The following ZFR2 variants were observed in gnomAD, a reference collection of about 807,000 sequenced individuals.
ZFR2 encodes the protein zinc finger RNA-binding protein 2.
ZFR2 carries 104 observed loss-of-function variants against 105.7 expected under a neutral mutation model. That is an observed-to-expected ratio of 0.98 (90% CI 0.84 to 1.16). The LOEUF is 1.16. Among genes scored for constraint, ZFR2 ranks in the 50% most tolerant of loss-of-function variants. The probability of loss-of-function intolerance (pLI) is 0.00; values close to 1 mark genes in which losing one functional copy is unlikely to be tolerated. For synonymous variants in ZFR2, 634 were observed against 597.7 expected (o/e 1.06, Z -0.89); for missense variants, 1,425 against 1,355.5 (o/e 1.05, Z -0.80).
intron 1 of ZFR2, among the ~76,000 whole-genome samples, chr19:3,856,681 T>C (rs750375767): frequency 6.6e-6 from 1 of 152,192 alleles, no homozygotes; most frequent in African/African-American, 2.4e-5. Context: ...ACTCACAGGC[T>C]ACAGGGCCCA....
intron 10 of ZFR2, 120 bp from the exon 11 acceptor site, chr19:3,820,410 G>A: frequency 1.1e-6 from 1 of 938,362 alleles, no homozygotes; most frequent in Non-Finnish European, 1.6e-6. Flanking sequence ...AGCTCTTGCT[G>A]GGGCTCCACT....
Position 3,814,133 on chromosome 19 carries a change from C to T in ZFR2, c.2104-175G>A, listed in dbSNP as rs181944943. Reference sequence around the variant, plus strand: ...AACCTCCAAGTGACCAAGACACAGCCGCAGCCCTCCAGGAGTGCACACATG... The same window carrying T: ...AACCTCCAAGTGACCAAGACACAGCTGCAGCCCTCCAGGAGTGCACACATG... On this transcript the variant is annotated intron_variant, in intron 13 of 18. Transcript: ENST00000262961. Among the ~76,000 whole-genome samples, 31 of 152,218 alleles carry T rather than the reference C, an allele frequency of 2.0e-4. No homozygotes were observed. The East Asian group carries it at 6.0e-3, about 29-fold the overall frequency.
intron 1 of ZFR2, among the ~76,000 whole-genome samples, chr19:3,851,012 C>T (rs2038232630): frequency 6.6e-6 from 1 of 151,856 alleles, no homozygotes; most frequent in Admixed American, 6.6e-5. Context: ...AGAGAGCCCT[C>T]ACCAGAAACC....
intron 1 of ZFR2, among the ~76,000 whole-genome samples, chr19:3,837,887 A>G (rs1208383909): frequency 6.6e-6 from 1 of 151,954 alleles, no homozygotes; most frequent in Non-Finnish European, 1.5e-5. Context: ...CACCATGACT[A>G]CAGACACCTG....
In ZFR2 at chr19:3,816,753, C is replaced by T. The variant is rs140470221; in HGVS notation, c.2024G>A (p.Arg675His). ...CTTCTCGGAGCAGAGCAGAGCGAGG[C>T]GCACGTTCCTGTCCCCACGCAGGAG... ...GLLLRGDRNV[R>H]LALLCSEKPT... The change falls in exon 13 of 19, where the codon CGC becomes CAC. Residue 675 changes from arginine to histidine, a missense_variant. Physicochemically the swap from Arg to His is conservative, Grantham distance 29. Transcript: ENST00000262961. 313 of 1,612,306 alleles carry T rather than the reference C, an allele frequency of 1.9e-4. No homozygotes were observed. In the African/African-American group the frequency reaches 3.1e-3, roughly 16 times the overall value.
At chr19:3,855,230 C>G (rs1019610703) in intron 1 of ZFR2, among the ~76,000 whole-genome samples, 1 of 152,012 alleles carries the variant, frequency 6.6e-6, no homozygotes, top group Admixed American at 6.6e-5. Flanking sequence ...TTTTTTACTT[C>G]TACTTTAAAT....
chr19:3,810,905 C>T, intron 15 of ZFR2, 60 bp from the exon 16 acceptor site: 1 of 1,528,918 alleles, frequency 6.5e-7, no homozygotes, highest in Non-Finnish European at 8.9e-7. Context: ...CGGCATGGCG[C>T]CGGGCTCTGT....
In ZFR2 at chr19:3,825,251, C is replaced by A; in HGVS notation, c.1192G>T (p.Ala398Ser). ...SRPALAKRPVASKALCEGPPE... is the reference protein window; with the variant it reads ...SRPALAKRPVSSKALCEGPPE... ...GTACCCTCGCATAAGGCCTTCGAGG[C>A]CACGGGTCTCTTGGCCAGCGCTGGC... Residue 398 changes from alanine to serine, a missense_variant, in exon 7 of 19, where the codon GCC becomes TCC. Ala to Ser is a moderately conservative substitution (Grantham distance 99). Transcript: ENST00000262961. 6.4e-7 allele frequency: 1 copy of A among 1,551,510 alleles called. No individual in the cohort carries two copies. The highest frequency in any genetic ancestry group is 8.6e-7 in the Non-Finnish European group (1 of 1,156,860).
rs569773632 is a variant in ZFR2, at chr19:3,817,876, C to A, written c.1932-1031G>T. Among the ~76,000 whole-genome samples the A allele has an allele frequency of 6.7e-4, 102 of 152,180 alleles. 1 individual carries two copies. Among genetic ancestry groups the A allele is most frequent in the African/African-American group, 2.1e-3 (87 of 41,518 alleles). ...TCCTATATGGAGCTCTGTGCTCCAGCAAAAGGAAGCCCTCAGGCCAAGTGG... is the reference window on the plus strand; with the variant it reads ...TCCTATATGGAGCTCTGTGCTCCAGAAAAAGGAAGCCCTCAGGCCAAGTGG... On this transcript the variant is annotated intron_variant, in intron 12 of 18. Transcript: ENST00000262961.
chr19:3,863,980 A>G (rs1288425734), intron 1 of ZFR2, among the ~76,000 whole-genome samples: 1 of 152,064 alleles, frequency 6.6e-6, no homozygotes, highest in Non-Finnish European at 1.5e-5. Flanking sequence ...AGAATCAATA[A>G]CCAGCAACGA....
chr19:3,820,380 A>G, intron 10 of ZFR2, 90 bp from the exon 11 acceptor site: 2 of 1,273,044 alleles, frequency 1.6e-6, no homozygotes, highest in East Asian at 2.6e-5. Flanking sequence ...TTATGCTCCC[A>G]GCAAGGAAGG....
In ZFR2 at chr19:3,823,339, T is replaced by C. The variant is rs1338325807; in HGVS notation, c.1278A>G (p.Leu426=). ...CTTGGGTAGGTGCTCCGGGACCCTC[T>C]AATTTAGGTTGGGCTGGTTTCCCCC... is the stretch of plus-strand genomic sequence containing the variant. ...PQWGKPAQPK[L]EGPGAPTQGG... Residue 426 remains leucine (L), a synonymous_variant, in exon 8 of 19, where the codon TTA becomes TTG. Coordinates refer to ENST00000262961, the MANE Select transcript of ZFR2 (RefSeq NM_015174.2). This position sits in a 1 kb window ranked among gnomAD's most constrained non-coding sequence, Gnocchi z 5.4. The C allele has an allele frequency of 6.2e-7, 1 of 1,613,928 alleles. No individual in the cohort carries two copies. The highest frequency in any genetic ancestry group is 8.5e-7 in the Non-Finnish European group (1 of 1,179,842).
rs551340640 is a variant in ZFR2, at chr19:3,834,637, C to T, written c.264+136G>A. On this transcript the variant is annotated intron_variant, in intron 2 of 18. Coordinates refer to ENST00000262961, the MANE Select transcript of ZFR2 (RefSeq NM_015174.2). This position sits in a 1 kb window ranked among gnomAD's most constrained non-coding sequence, Gnocchi z 5.3. ...TCTCCCCACCACGGGTACGCAATGCCAGCAGAAGGGTCCCGAAGGAAGGAT... is the reference window on the plus strand; with the variant it reads ...TCTCCCCACCACGGGTACGCAATGCTAGCAGAAGGGTCCCGAAGGAAGGAT... 2.1e-6 allele frequency: 2 copies of T among 966,280 alleles called. No homozygotes were observed. Among genetic ancestry groups the T allele is most frequent in the Non-Finnish European group, 3.1e-6 (2 of 640,352 alleles). 59.9% of individuals were successfully genotyped at this position (966,280 alleles called of 1,614,324 possible).
At chr19:3,845,237 C>A (rs947860349) in intron 1 of ZFR2, among the ~76,000 whole-genome samples, 1 of 152,168 alleles carries the variant, frequency 6.6e-6, no homozygotes, top group Non-Finnish European at 1.5e-5. Flanking sequence ...CAACTTAATT[C>A]TCTCTTCAAA....
chr19:3,831,624 C>T (rs201007415), intron 4 of ZFR2, 36 bp downstream of exon 4: 20 of 1,520,630 alleles, frequency 1.3e-5, no homozygotes, highest in Admixed American at 8.2e-5. Context: ...TGGGGACCGA[C>T]GGGCAGACCA....
At position 3,807,278 on chromosome 19, in the gene ZFR2, C is replaced by T. The variant is rs56083710; in HGVS notation, c.2546-9G>A. 21 of 1,548,966 alleles carry T rather than the reference C, an allele frequency of 1.4e-5. No individual in the cohort carries two copies. Among genetic ancestry groups the T allele is most frequent in the East Asian group, 4.9e-5 (2 of 41,108 alleles). The stretch of plus-strand genomic sequence containing the variant: ...CTGGAGCCCGGGCCCGTCTTTGTGA[C>T]GGGGAGTGGGAACAGCAAAGAAGGC... On this transcript the variant is annotated splice_polypyrimidine_tract_variant and intron_variant, in intron 17 of 18. Transcript: ENST00000262961.
rs142991929 is a variant in ZFR2 at position 3,840,880 on chromosome 19, T to C, written c.54-5897A>G. ...GAACAGAATGTTAAATTTTAAAATTTGTTTCATTTCAGTTAATTTAGATTT... is the reference window on the plus strand; with the variant it reads ...GAACAGAATGTTAAATTTTAAAATTCGTTTCATTTCAGTTAATTTAGATTT... On this transcript the variant is annotated intron_variant, in intron 1 of 18. Transcript: ENST00000262961. Among the ~76,000 whole-genome samples the C allele has an allele frequency of 2.7e-3, 410 of 152,246 alleles. 3 individuals are homozygous for C. Among genetic ancestry groups the C allele is most frequent in the African/African-American group, 9.5e-3 (396 of 41,532 alleles).
At position 3,868,981 on chromosome 19, in the gene ZFR2, C is replaced by T; in HGVS notation, c.37G>A (p.Gly13Ser). Residue 13 changes from glycine (G) to serine (S), a missense_variant, in exon 1 of 19, where the codon GGC becomes AGC. Gly to Ser is a moderately conservative substitution (Grantham distance 56, BLOSUM62 0). Transcript: ENST00000262961. Reference sequence around the variant, plus strand: ...GGCAGTTACCTGTACTGCGGGCCGCCGCCCTGCGCGAAGTCGAAATACTGA... The same window carrying T: ...GGCAGTTACCTGTACTGCGGGCCGCTGCCCTGCGCGAAGTCGAAATACTGA... ...TSQYFDFAQG[G>S]GPQYSAQPPT... 7.3e-7 allele frequency: 1 copy of T among 1,368,146 alleles called. No homozygotes were observed. The highest frequency in any genetic ancestry group is 1.8e-5 in the South Asian group (1 of 55,324). The allele number at this position is 1,368,146 out of a possible 1,614,324, so 84.8% of individuals were successfully genotyped here. A position where few individuals can be genotyped will look rare whatever the true frequency, so the allele number is the denominator to read the frequency against.
rs950055128 is a variant in ZFR2 at position 3,838,820 on chromosome 19, A to G, written c.54-3837T>C. Among the ~76,000 whole-genome samples the G allele has an allele frequency of 8.5e-5, 13 of 152,096 alleles. No individual in the cohort carries two copies. The highest frequency in any genetic ancestry group is 3.1e-4 in the African/African-American group (13 of 41,402). On this transcript the variant is annotated intron_variant, in intron 1 of 18. Coordinates refer to ENST00000262961, the MANE Select transcript of ZFR2 (RefSeq NM_015174.2). The surrounding 1 kb of genome is among the most constrained non-coding windows in gnomAD (Gnocchi z 4.9). ...CAGTATACACTGCACGTCTGTCCAC[A>G]GGCCGTCTCCTCCCTGGTCCCGATG...
Sources: allele counts gnomAD v4.1 joint callset (sites outside exome capture counted in the v4.1 genomes callset), GRCh38; gene constraint gnomAD v4.1.1; non-coding constraint Gnocchi (gnomAD v3.1); transcripts MANE v1.5; gene names NCBI Gene and HGNC (gene_info 2026-07-23, HGNC 2026-07-21).